SGCZ: variants seen among roughly 807,000 people sequenced by gnomAD.
SGCZ encodes the protein sarcoglycan zeta.
SGCZ carries 40 observed loss-of-function variants against 41.3 expected under a neutral mutation model. The ratio of observed to expected loss-of-function variants is 0.97; its 90% CI spans 0.75 to 1.26. The LOEUF (loss-of-function observed/expected upper bound fraction) is 1.26. SGCZ is among the 50% of genes most tolerant of loss of function. The probability of loss-of-function intolerance (pLI) is 0.00; values close to 1 mark genes in which losing one functional copy is unlikely to be tolerated. For missense variants in SGCZ, 552 were observed against 369.8 expected, an observed-to-expected ratio of 1.49 and a Z score of -4.04; for synonymous variants, 206 against 137.5, an observed-to-expected ratio of 1.50 and a Z score of -3.49.
intron 1 of SGCZ, among the ~76,000 whole-genome samples, chr8:14,632,196 T>A (rs1806678262): frequency 1.3e-5 from 2 of 151,570 alleles, no homozygotes; most frequent in Non-Finnish European, 2.9e-5. Flanking sequence ...TTTTTAAGAT[T>A]TTTTTTTATA....
intron 1 of SGCZ, among the ~76,000 whole-genome samples, chr8:15,220,906 CA>C (rs1310604441): frequency 6.6e-6 from 1 of 152,074 alleles, no homozygotes; most frequent in Non-Finnish European, 1.5e-5. Context: ...AGCAAACTAT[CA>C]CAAGTACAGA....
intron 1 of SGCZ, among the ~76,000 whole-genome samples, chr8:14,619,791 G>C (rs1806223917): frequency 2.0e-5 from 3 of 152,052 alleles, no homozygotes; most frequent in African/African-American, 7.2e-5. Context: ...AAATAAAAGA[G>C]GACACAAACA....
intron 1 of SGCZ, among the ~76,000 whole-genome samples, chr8:14,916,161 G>A (rs10503522): frequency 0.27 from 41,413 of 152,008 alleles, 8,941 homozygotes; most frequent in African/African-American, 0.61. Context: ...TTTTAAAAAT[G>A]CATTCTAGGA....
chr8:14,456,008 A>T (rs1800732271), intron 2 of SGCZ, among the ~76,000 whole-genome samples: 3 of 152,134 alleles, frequency 2.0e-5, no homozygotes, highest in African/African-American at 7.2e-5. Context: ...GTGACTGTTA[A>T]ATGGCTACAA....
chr8:14,107,240 A>T (rs79669789), intron 6 of SGCZ, among the ~76,000 whole-genome samples: 7 of 61,858 alleles, frequency 1.1e-4, no homozygotes, highest in African/African-American at 2.6e-4. Context: ...AAAAATAAAT[A>T]AAAAAAAAAA....
At chr8:14,935,935 T>C (rs1404783866) in intron 1 of SGCZ, among the ~76,000 whole-genome samples, 2 of 151,900 alleles carry the variant, frequency 1.3e-5, no homozygotes, top group Non-Finnish European at 2.9e-5. Context: ...TCTATTTGTA[T>C]CAGACACAGA....
intron 2 of SGCZ, among the ~76,000 whole-genome samples, chr8:14,416,508 A>G (rs1347197791): frequency 6.6e-6 from 1 of 151,918 alleles, no homozygotes; most frequent in Non-Finnish European, 1.5e-5. Context: ...TACAATTAGC[A>G]GAGTGAAGGC....
Position 14,509,187 on chromosome 8 carries a change from G to A in SGCZ, c.234+45545C>T, listed in dbSNP as rs559544357. On this transcript the variant is annotated intron_variant, in intron 2 of 7. Coordinates refer to ENST00000382080, the MANE Select transcript of SGCZ (RefSeq NM_139167.4). The stretch of plus-strand genomic sequence containing the variant: ...TTTTTGCTGTATATGTGGTCATAAA[G>A]CTTCTAAACTTAATACCATTATTAG... Among the ~76,000 whole-genome samples the A allele has an allele frequency of 2.3e-3, 354 of 152,112 alleles. 1 individual carries two copies. Among genetic ancestry groups the A allele is most frequent in the Non-Finnish European group, 3.1e-3 (209 of 67,952 alleles).
At chr8:14,936,119 C>T (rs1034764649) in intron 1 of SGCZ, among the ~76,000 whole-genome samples, 2 of 151,870 alleles carry the variant, frequency 1.3e-5, no homozygotes, top group African/African-American at 2.4e-5. Flanking sequence ...CATCACAGAT[C>T]AAGATTTTCT....
At chr8:14,719,571 T>C (rs997953617) in intron 1 of SGCZ, among the ~76,000 whole-genome samples, 2 of 152,054 alleles carry the variant, frequency 1.3e-5, no homozygotes, top group African/African-American at 2.4e-5. Flanking sequence ...TGGTATCTCA[T>C]TGTGGTTTTG....
At chr8:14,704,831 G>C (rs1354254982) in intron 1 of SGCZ, among the ~76,000 whole-genome samples, 6 of 151,862 alleles carry the variant, frequency 4.0e-5, no homozygotes, top group Non-Finnish European at 8.8e-5. Flanking sequence ...ACTTCTTAGG[G>C]ATAAACTAAA....
intron 1 of SGCZ, among the ~76,000 whole-genome samples, chr8:14,803,500 C>A (rs1318609589): frequency 1.3e-5 from 2 of 152,116 alleles, no homozygotes; most frequent in African/African-American, 2.4e-5. Context: ...CACTCCCACC[C>A]GAATACCGCG....
rs151263201 is a variant in SGCZ at position 15,175,212 on chromosome 8, T to C, written c.39+62373A>G. ...ACACAAAGGAATGTAAATCATTCTA[T>C]TGTAAAGACACATGCATGCTTGTGT... On this transcript the variant is annotated intron_variant, in intron 1 of 7. Transcript: ENST00000382080. Among the ~76,000 whole-genome samples the C allele has an allele frequency of 7.8e-3, 1,192 of 152,286 alleles. 13 individuals are homozygous for C. Among genetic ancestry groups the C allele is most frequent in the African/African-American group, 0.025 (1,051 of 41,556 alleles).
At chr8:14,509,669 T>G (rs1396316187) in intron 2 of SGCZ, among the ~76,000 whole-genome samples, 1 of 152,154 alleles carries the variant, frequency 6.6e-6, no homozygotes, top group Non-Finnish European at 1.5e-5. Context: ...AACTTCTTAA[T>G]GCCTGTATTT....
rs142358649 is a variant in SGCZ, at chr8:15,126,395, G to C, written c.39+111190C>G. ...AAAAAGATTTTTTAAAATAAGCTTC[G>C]GATTCATTAATTAATTTAGTGACCA... On this transcript the variant is annotated intron_variant, in intron 1 of 7. Coordinates refer to ENST00000382080, the MANE Select transcript of SGCZ (RefSeq NM_139167.4). Among the ~76,000 whole-genome samples the C allele has an allele frequency of 6.6e-5, 10 of 152,082 alleles. No individual in the cohort carries two copies. The East Asian group carries it at 1.9e-3, about 29-fold the overall frequency.
chr8:14,214,715 G>C (rs1805934093), intron 4 of SGCZ, among the ~76,000 whole-genome samples: 2 of 151,790 alleles, frequency 1.3e-5, no homozygotes, highest in South Asian at 4.1e-4. Flanking sequence ...AAAAAAAGCA[G>C]GAATATCTAT....
chr8:14,300,412 T>G (rs1214007424), intron 3 of SGCZ, among the ~76,000 whole-genome samples: 1 of 151,350 alleles, frequency 6.6e-6, no homozygotes, highest in African/African-American at 2.4e-5. Flanking sequence ...TTTAGGTAGG[T>G]AAAGAGAGGT....
intron 1 of SGCZ, among the ~76,000 whole-genome samples, chr8:14,850,715 G>C (rs539216322): frequency 6.6e-6 from 1 of 152,260 alleles, no homozygotes; most frequent in East Asian, 1.9e-4. Flanking sequence ...CATGTGTCAA[G>C]GGAGAGACCA....
Position 14,295,243 on chromosome 8 carries a change from G to A in SGCZ, c.336+28860C>T, listed in dbSNP as rs73529482. 6.2e-3 allele frequency among the ~76,000 whole-genome samples: 940 copies of A among 152,282 alleles called. 8 individuals carry two copies. Among genetic ancestry groups the A allele is most frequent in the African/African-American group, 0.022 (900 of 41,558 alleles). On this transcript the variant is annotated intron_variant, in intron 3 of 7. Transcript: ENST00000382080. ...TTATAGTCAATCCATGCAGTGGGTT[G>A]CTATTCACCCATGAAAGGGAACAAG...
Sources: gnomAD v4.1 joint callset for allele counts (sites outside exome capture counted in the v4.1 genomes callset) on GRCh38, gnomAD v4.1.1 for gene constraint, MANE v1.5 for transcripts, NCBI Gene and HGNC (gene_info 2026-07-23, HGNC 2026-07-21) for gene names.